ITGA5: variants seen among roughly 807,000 people sequenced by gnomAD.
ITGA5 encodes integrin subunit alpha 5.
Under a neutral mutation model 146.3 loss-of-function variants are expected in ITGA5, and 55 were observed. That is an observed-to-expected ratio of 0.38 (90% CI 0.30 to 0.47). The LOEUF is 0.47. Among genes scored for constraint, ITGA5 ranks in the 20% least tolerant of loss-of-function variants. The pLI, the probability that ITGA5 is intolerant of heterozygous loss-of-function variation, is 0.99. For missense variants in ITGA5, 1,131 were observed against 1,329.0 expected (o/e 0.85, Z 2.32); for synonymous variants, 500 against 531.8 (o/e 0.94, Z 0.82).
chr12:54,408,071 G>A, intron 7 of ITGA5, 39 bp downstream of exon 7: 1 of 1,612,704 alleles, frequency 6.2e-7, no homozygotes, highest in Non-Finnish European at 8.5e-7. Context: ...AGCACTTGAG[G>A]TTCTCCCTCT....
Position 54,405,351 on chromosome 12 carries a change from GC to G in ITGA5, c.1039del (p.Ala347HisfsTer29). ...AGGGGTCCGATCCATGAGCAGGGGT[GC>G]CCCCACCAGCAAGTCATCCAGCCTG... ...GDGLDDLLVGAPLLMDRTPDG... is the reference protein window; with the variant it reads ...GDGLDDLLVGXPLLMDRTPDG... On this transcript the variant is annotated frameshift_variant, in exon 12 of 30. Transcript: ENST00000293379. LOFTEE classifies it high-confidence loss of function. 1.2e-6 allele frequency: 2 copies of G among 1,607,886 alleles called. No individual in the cohort carries two copies. Among genetic ancestry groups the G allele is most frequent in the Non-Finnish European group, 1.7e-6 (2 of 1,177,264 alleles).
intron 1 of ITGA5, 137 bp downstream of exon 1, chr12:54,418,844 G>A (rs1956041885): frequency 1.9e-6 from 2 of 1,059,370 alleles, no homozygotes. Context: ...ACTCTAGCCA[G>A]GGCCCCCAAC....
At chr12:54,417,744 C>T (rs1195041132) in intron 1 of ITGA5, among the ~76,000 whole-genome samples, 1 of 152,036 alleles carries the variant, frequency 6.6e-6, no homozygotes, top group Non-Finnish European at 1.5e-5. Flanking sequence ...TGGGGGTGAG[C>T]AGTAGGAAGC....
chr12:54,407,684 C>G lies in ITGA5; in HGVS notation c.871G>C (p.Ala291Pro). ...FSGDDTEDFVAGVPKGNLTYG... is the reference protein window; with the variant it reads ...FSGDDTEDFVPGVPKGNLTYG... ...GTGAGGTTCCCTTTGGGCACACCAG[C>G]AACAAAGTCTGCAAAGAGAAGAGAA... Residue 291 changes from alanine to proline, a missense_variant, in exon 9 of 30, where the codon GCT (alanine) becomes CCT (proline). By Grantham distance (27) the Ala-to-Pro change is conservative. Around this residue, in one of 3 missense-constraint regions of ITGA5, gnomAD observed 889 missense variants for 1,021.5 expected, o/e 0.87. Transcript: ENST00000293379. The G allele has an allele frequency of 6.2e-7, 1 of 1,613,736 alleles. No homozygotes were observed. The highest frequency in any genetic ancestry group is 8.5e-7 in the Non-Finnish European group (1 of 1,179,718).
intron 29 of ITGA5, 165 bp downstream of exon 29, chr12:54,397,199 AG>A (rs143537399): frequency 9.8e-6 from 6 of 615,354 alleles, no homozygotes; most frequent in East Asian, 2.9e-5. Context: ...TATAGAATGA[AG>A]GGGGGGATCT....
intron 27 of ITGA5, 117 bp from the exon 28 acceptor site, chr12:54,398,815 GTCTCTCTC>G (rs1159083862): frequency 7.4e-5 from 33 of 443,366 alleles, no homozygotes; most frequent in Non-Finnish European, 1.1e-4. Flanking sequence ...TTCTTCCTGA[GTCTCTCTC>G]TCTCTCTCTC....
Position 54,397,475 on chromosome 12 carries a change from C to G in ITGA5, c.2956G>C (p.Val986Leu), listed in dbSNP as rs1314783878. The change falls in exon 29 of 30, where the codon GTG (valine) becomes CTG (leucine). Residue 986 changes from valine (V) to leucine (L), a missense_variant. Val to Leu is a conservative substitution (Grantham distance 32). This residue lies in a region of ITGA5 where 889 missense variants were observed against 1,021.5 expected (regional missense o/e 0.87). Transcript: ENST00000293379. ...CTGCCTTCTGCCTTGGTCCATTGCA[C>G]AGCTGTGGCCACCTGGGGAGCAAGT... ...PQKERQVATA[V>L]QWTKAEGSYG... The G allele has an allele frequency of 6.2e-7, 1 of 1,614,056 alleles. No individual in the cohort carries two copies. Among genetic ancestry groups the G allele is most frequent in the Non-Finnish European group, 8.5e-7 (1 of 1,179,998 alleles).
rs1955917450 is a variant in ITGA5 at position 54,409,762 on chromosome 12, A to G, written c.350-165T>C. ...TAAGGAGCTTAATTCTGCTTTGTGT[A>G]GTCTGTTTGTGTAGCCTGACTTATC... On this transcript the variant is annotated intron_variant, in intron 2 of 29. Coordinates refer to ENST00000293379, the MANE Select transcript of ITGA5 (RefSeq NM_002205.5). The surrounding 1 kb of genome is among the most constrained non-coding windows in gnomAD (Gnocchi z 4.7). 1.7e-6 allele frequency: 1 copy of G among 592,578 alleles called. No individual in the cohort carries two copies. Among genetic ancestry groups the G allele is most frequent in the East Asian group, 2.8e-5 (1 of 35,672 alleles). 36.7% of individuals were successfully genotyped at this position (592,578 alleles called of 1,614,324 possible).
intron 12 of ITGA5, 34 bp downstream of exon 12, chr12:54,405,132 C>A: frequency 6.5e-7 from 1 of 1,527,008 alleles, no homozygotes; most frequent in Non-Finnish European, 8.9e-7. Flanking sequence ...GGGCCCCTGC[C>A]TCCTCTTTCA....
chr12:54,405,687 G>A lies in ITGA5; in HGVS notation c.993C>T (p.Ala331=), dbSNP rs753868912. 59 of 1,613,796 alleles carry A rather than the reference G, an allele frequency of 3.7e-5. No individual in the cohort carries two copies. The highest frequency in any genetic ancestry group is 4.6e-5 in the Non-Finnish European group (54 of 1,179,890). The change falls in exon 11 of 30, where the codon GCC becomes GCT. Residue 331 remains alanine, a synonymous_variant. Transcript: ENST00000293379. ...ACCCGTCCCCATTGACGTCTGTGGC[G>A]GCCACTGCATAGCCAAAGTAGGAGG... ...QMASYFGYAV[A]ATDVNGDGLD... is the part of the protein sequence containing the mutation.
In ITGA5 at chr12:54,409,699, C is replaced by A. The variant is rs1281578002; in HGVS notation, c.350-102G>T. ...GGGATACCCAACAAACGCTTCCAAGCCCTGAGACTCCATGACTCGCTGGGA... is the reference window on the plus strand; with the variant it reads ...GGGATACCCAACAAACGCTTCCAAGACCTGAGACTCCATGACTCGCTGGGA... On this transcript the variant is annotated intron_variant, in intron 2 of 29. Coordinates refer to ENST00000293379, the MANE Select transcript of ITGA5 (RefSeq NM_002205.5). This position sits in a 1 kb window ranked among gnomAD's most constrained non-coding sequence, Gnocchi z 4.7. 4.5e-6 allele frequency: 3 copies of A among 674,142 alleles called. No individual in the cohort carries two copies. Among genetic ancestry groups the A allele is most frequent in the Non-Finnish European group, 5.1e-6 (2 of 393,314 alleles). 41.8% of individuals were successfully genotyped at this position (674,142 alleles called of 1,614,324 possible).
chr12:54,399,717 G>A lies in ITGA5; in HGVS notation c.2769C>T (p.Leu923=), dbSNP rs116004551. ...GGCTCTCTTGTTGGTGCAGGGGCCCGAGCTCACAGCGCAGCCTGAAACACT... is the reference window on the plus strand; with the variant it reads ...GGCTCTCTTGTTGGTGCAGGGGCCCAAGCTCACAGCGCAGCCTGAAACACT... ...EAECFRLRCE[L]GPLHQQESQS... Residue 923 remains leucine (L), a synonymous_variant, in exon 27 of 30, where the codon CTC becomes CTT. Coordinates refer to ENST00000293379, the MANE Select transcript of ITGA5 (RefSeq NM_002205.5). 1.0e-3 allele frequency: 1,610 copies of A among 1,614,146 alleles called. 12 individuals carry two copies. In the African/African-American group the frequency reaches 0.019, roughly 19 times the overall value.
At chr12:54,411,003 A>G (rs1269688025) in intron 2 of ITGA5, among the ~76,000 whole-genome samples, 1 of 152,218 alleles carries the variant, frequency 6.6e-6, no homozygotes, top group Non-Finnish European at 1.5e-5. Flanking sequence ...CTGGGATTAC[A>G]AGCATGAGCC....
Position 54,398,755 on chromosome 12 carries a change from G to C in ITGA5, c.2842-57C>G, listed in dbSNP as rs184620316. ...CTCTCTTGGGATCCAGAGGACATAGGGTTCCCCATCGTCTGGCTGGGGTTG... is the reference window on the plus strand; with the variant it reads ...CTCTCTTGGGATCCAGAGGACATAGCGTTCCCCATCGTCTGGCTGGGGTTG... On this transcript the variant is annotated intron_variant, in intron 27 of 29. Coordinates refer to ENST00000293379, the MANE Select transcript of ITGA5 (RefSeq NM_002205.5). 4.2e-4 allele frequency: 500 copies of C among 1,195,832 alleles called. 3 individuals are homozygous for C. In the Middle Eastern group the frequency reaches 0.014, roughly 33 times the overall value. The allele number at this position is 1,195,832 out of a possible 1,614,324, so 74.1% of individuals were successfully genotyped here. A position where few individuals can be genotyped will look rare whatever the true frequency, so the allele number is the denominator to read the frequency against.
Position 54,396,306 on chromosome 12 carries a change from G to A in ITGA5, c.3137C>T (p.Thr1046Ile). ...AATTGGGAGGACTCAGGCATCAGAG[G>A]TGGCTGGAGGCTTGAGCTGAGCTTT... Reference protein sequence around the residue: ...MEKAQLKPPATSDA With the variant: ...MEKAQLKPPAISDA The change falls in exon 30 of 30, where the codon ACC becomes ATC. Residue 1046 changes from threonine (T) to isoleucine (I), a missense_variant. Thr to Ile is a moderately conservative substitution (Grantham distance 89, BLOSUM62 -1). Transcript: ENST00000293379. 2 of 1,613,768 alleles carry A rather than the reference G, an allele frequency of 1.2e-6. No homozygotes were observed. Among genetic ancestry groups the A allele is most frequent in the African/African-American group, 1.3e-5 (1 of 75,062 alleles).
At chr12:54,407,590 A>C in intron 9 of ITGA5, 59 bp downstream of exon 9, 1 of 1,441,190 alleles carries the variant, frequency 6.9e-7, no homozygotes, top group South Asian at 1.1e-5. Flanking sequence ...ACTGCCATGC[A>C]CGGTTCTTTG....
intron 1 of ITGA5, 83 bp from the exon 2 acceptor site, chr12:54,412,047 A>AGGCTGGGGCT: frequency 8.4e-7 from 1 of 1,196,916 alleles, no homozygotes; most frequent in Non-Finnish European, 1.1e-6. Context: ...CCAGGCCTCT[A>AGGCTGGGGCT]GGCTGGGGCT....
At chr12:54,396,764 G>A (rs1270178733) in intron 29 of ITGA5, among the ~76,000 whole-genome samples, 1 of 152,102 alleles carries the variant, frequency 6.6e-6, no homozygotes, top group Non-Finnish European at 1.5e-5. Context: ...GCTCACTGTA[G>A]CCTCAAACTC....
At chr12:54,418,207 C>G (rs991136200) in intron 1 of ITGA5, among the ~76,000 whole-genome samples, 7 of 152,142 alleles carry the variant, frequency 4.6e-5, no homozygotes, top group African/African-American at 1.2e-4. Flanking sequence ...CCGCCCACCC[C>G]CCTTCACGCG....
Sources: gnomAD v4.1 joint callset for allele counts (sites outside exome capture counted in the v4.1 genomes callset) on GRCh38, gnomAD v4.1.1 for gene constraint, gnomAD v4.1.1 regional missense constraint, Gnocchi (gnomAD v3.1) non-coding constraint, MANE v1.5 for transcripts, NCBI Gene and HGNC (gene_info 2026-07-23, HGNC 2026-07-21) for gene names.